The following ZNF33A variants were observed in gnomAD, a reference collection of about 807,000 sequenced individuals.
ZNF33A encodes brain my041 protein.
ZNF33A carries 9 observed loss-of-function variants against 15.9 expected under a neutral mutation model. The ratio of observed to expected loss-of-function variants is 0.57; its 90% CI spans 0.34 to 0.99. The LOEUF is 0.99. ZNF33A is among the 50% of genes least tolerant of loss of function. ZNF33A has a pLI of 0.02. For missense variants in ZNF33A, 843 were observed against 941.6 expected, an observed-to-expected ratio of 0.90 and a Z score of 1.37; for synonymous variants, 294 against 324.2, an observed-to-expected ratio of 0.91 and a Z score of 1.00.
At chr10:38,021,111 A>C (rs1198203074) in intron 4 of ZNF33A, among the ~76,000 whole-genome samples, 2 of 152,226 alleles carry the variant, frequency 1.3e-5, no homozygotes, top group Non-Finnish European at 2.9e-5. Flanking sequence ...TAGGAAACTC[A>C]TAACATAATG....
rs10658326 is a variant in ZNF33A at position 38,014,035 on chromosome 10, A to ATTTTTTTTT, written c.9+1705_9+1713dup. Among the ~76,000 whole-genome samples the ATTTTTTTTT allele has an allele frequency of 6.6e-4, 53 of 80,382 alleles. 8 individuals are homozygous for ATTTTTTTTT. The highest frequency in any genetic ancestry group is 2.3e-3 in the African/African-American group (42 of 18,084). 52.7% of individuals were successfully genotyped at this position (80,382 alleles called of 152,430 possible). ...AAAGCCCCAAATTTAATGATGTCTG[A>ATTTTTTTTT]TTTTTTTTTTTTTTTTTTTTTTTTT... On this transcript the variant is annotated intron_variant, in intron 2 of 4. Coordinates refer to ENST00000432900, the MANE Select transcript of ZNF33A (RefSeq NM_006954.2).
At chr10:38,050,166 A>G (rs1162987353) in intron 4 of ZNF33A, among the ~76,000 whole-genome samples, 1 of 152,242 alleles carries the variant, frequency 6.6e-6, no homozygotes, top group African/African-American at 2.4e-5. Flanking sequence ...TGAGTCCAGC[A>G]TTGCCCTAAT....
downstream of ZNF33A, chr10:38,060,172 TATTTTAA>T: frequency 2.4e-6 from 2 of 825,852 alleles, no homozygotes; most frequent in South Asian, 1.1e-4. Context: ...ATCCTTAATA[TATTTTAA>T]ATTATGGTAA....
chr10:38,011,153 C>T (rs971836641), intron 1 of ZNF33A, among the ~76,000 whole-genome samples: 5 of 152,226 alleles, frequency 3.3e-5, no homozygotes, highest in South Asian at 4.1e-4. Flanking sequence ...CCCGCCAGAC[C>T]GGCAGACTCG....
At chr10:38,050,163 A>G (rs1347118584) in intron 4 of ZNF33A, among the ~76,000 whole-genome samples, 1 of 152,242 alleles carries the variant, frequency 6.6e-6, no homozygotes, top group Non-Finnish European at 1.5e-5. Context: ...CTTTGAGTCC[A>G]GCATTGCCCT....
downstream of ZNF33A, chr10:38,064,174 A>C: frequency 2.0e-6 from 3 of 1,537,780 alleles, no homozygotes; most frequent in East Asian, 6.9e-5. Context: ...CAGGACTGGA[A>C]GATCCATGGC....
Position 38,056,853 on chromosome 10 carries a change from C to A in ZNF33A, c.*293C>A, listed in dbSNP as rs2066505483. ...GACAAGTTATGTTTTGAGTTTGATG[C>A]CATAATAGTTTTTAGGGCACCTAAC... is the stretch of plus-strand genomic sequence containing the variant. On this transcript the variant is annotated 3_prime_UTR_variant, in exon 5 of 5. Coordinates refer to ENST00000432900, the MANE Select transcript of ZNF33A (RefSeq NM_006954.2). 2 of 1,076,052 alleles carry A rather than the reference C, an allele frequency of 1.9e-6. No homozygotes were observed. The highest frequency in any genetic ancestry group is 4.2e-5 in the South Asian group (1 of 23,712). 66.7% of individuals were successfully genotyped at this position (1,076,052 alleles called of 1,614,324 possible).
rs748018308 is a variant in ZNF33A, at chr10:38,056,192, G to C, written c.2068G>C (p.Glu690Gln). ...TTTCCATGAGAGAAAGCACACGGGGGAGAAACCCTATGAATGCAATGAATG... is the reference window on the plus strand; with the variant it reads ...TTTCCATGAGAGAAAGCACACGGGGCAGAAACCCTATGAATGCAATGAATG... ...LIFHERKHTG[E>Q]KPYECNECGK... The change falls in exon 5 of 5, where the codon GAG (glutamate) becomes CAG (glutamine). Residue 690 changes from glutamate (E) to glutamine (Q), a missense_variant. By Grantham distance (29) the Glu-to-Gln change is conservative (BLOSUM62 2). Transcript: ENST00000432900. 3.7e-6 allele frequency: 6 copies of C among 1,614,084 alleles called. No homozygotes were observed. Among genetic ancestry groups the C allele is most frequent in the Non-Finnish European group, 5.1e-6 (6 of 1,179,982 alleles).
At chr10:38,066,809 G>A (rs1052026689), downstream of ZNF33A, among the ~76,000 whole-genome samples, 1 of 152,016 alleles carries the variant, frequency 6.6e-6, no homozygotes, top group African/African-American at 2.4e-5. Flanking sequence ...GCACACACTG[G>A]TAATCCCAGC....
In ZNF33A at chr10:38,012,299, T is replaced by A; in HGVS notation, c.-43T>A. ...CCCATTCCTCTTTTTCTAACTCAGC[T>A]GTATCTTCAGAGTTGTCTCCGTCTT... On this transcript the variant is annotated splice_region_variant and 5_prime_UTR_variant, in exon 2 of 5. Transcript: ENST00000432900. 6.2e-7 allele frequency: 1 copy of A among 1,610,840 alleles called. No homozygotes were observed. The highest frequency in any genetic ancestry group is 8.5e-7 in the Non-Finnish European group (1 of 1,179,144).
chr10:38,055,933 T>TA lies in ZNF33A; in HGVS notation c.1810dup (p.Thr604AsnfsTer7). The TA allele has an allele frequency of 1.2e-6, 2 of 1,613,062 alleles. No homozygotes were observed. Among genetic ancestry groups the TA allele is most frequent in the South Asian group, 2.2e-5 (2 of 91,032 alleles). On this transcript the variant is annotated frameshift_variant, in exon 5 of 5. Transcript: ENST00000432900. LOFTEE classifies it low-confidence loss of function (END_TRUNC). ...ACCTAACTAAACATAATAGAACACATACAGGGGAGAAACCCTATGAATGTA... is the reference window on the plus strand; with the variant it reads ...ACCTAACTAAACATAATAGAACACATAACAGGGGAGAAACCCTATGAATGTA...
chr10:38,012,589 G>A (rs147128208), intron 2 of ZNF33A, among the ~76,000 whole-genome samples: 6 of 151,532 alleles, frequency 4.0e-5, no homozygotes, highest in Non-Finnish European at 7.4e-5. Flanking sequence ...ATGCTGCCAC[G>A]CCTGGCTAAT....
At chr10:38,052,424 C>T (rs1185552825) in intron 4 of ZNF33A, among the ~76,000 whole-genome samples, 2 of 152,014 alleles carry the variant, frequency 1.3e-5, no homozygotes, top group Non-Finnish European at 2.9e-5. Context: ...AAAGACCACA[C>T]TAGAAACAAT....
intron 4 of ZNF33A, among the ~76,000 whole-genome samples, chr10:38,029,545 A>G (rs1316631619): frequency 6.6e-6 from 1 of 152,170 alleles, no homozygotes; most frequent in African/African-American, 2.4e-5. Context: ...AGTTCTAACA[A>G]GGTTGGTTTT....
At chr10:38,050,355 T>C (rs774159947) in intron 4 of ZNF33A, among the ~76,000 whole-genome samples, 16 of 152,212 alleles carry the variant, frequency 1.1e-4, no homozygotes, top group African/African-American at 4.8e-5. Context: ...AAGCAGTCAG[T>C]GTAATTCCCT....
At chr10:38,064,891 C>T (rs1321686418), downstream of ZNF33A, 2 of 151,962 alleles carry the variant, frequency 1.3e-5, no homozygotes, top group Non-Finnish European at 2.9e-5. Flanking sequence ...ATTATCAATA[C>T]TTACTGCTGA....
At chr10:38,053,133 C>CCCCTTTGGGG in intron 4 of ZNF33A, among the ~76,000 whole-genome samples, 3 of 151,966 alleles carry the variant, frequency 2.0e-5, no homozygotes, top group Non-Finnish European at 4.4e-5. Flanking sequence ...AAGTTTCAGT[C>CCCCTTTGGGG]AAGTGTAGTT....
In ZNF33A at chr10:38,054,907, C is replaced by A. The variant is rs765595322; in HGVS notation, c.783C>A (p.Ser261=). 5 of 1,613,784 alleles carry A rather than the reference C, an allele frequency of 3.1e-6. No individual in the cohort carries two copies. In the Admixed American group the frequency reaches 8.3e-5, roughly 27 times the overall value. Residue 261 remains serine, a synonymous_variant, in exon 5 of 5, where the codon TCC becomes TCA. Transcript: ENST00000432900. ...GGAGAACTTTGTGTGATAGTTCATC[C>A]CTCTTGTTCCATCAGATATCTCCGT... ...EFGRTLCDSS[S]LLFHQISPSR...
chr10:38,010,978 G>C (rs2135516167), intron 1 of ZNF33A, among the ~76,000 whole-genome samples, 195 bp downstream of exon 1: 1 of 152,244 alleles, frequency 6.6e-6, no homozygotes, highest in East Asian at 1.9e-4. Flanking sequence ...GTACGGAGCA[G>C]GGTACGCAGC....
Sources: allele counts gnomAD v4.1 joint callset (sites outside exome capture counted in the v4.1 genomes callset), GRCh38; gene constraint gnomAD v4.1.1; transcripts MANE v1.5; gene names NCBI Gene and HGNC (gene_info 2026-07-23, HGNC 2026-07-21).